EIF1B: variants seen among roughly 807,000 people sequenced by gnomAD.
The protein encoded by EIF1B is eukaryotic translation initiation factor 1B.
EIF1B carries 5 observed loss-of-function variants against 14.8 expected under a neutral mutation model. That is an observed-to-expected ratio of 0.34 (90% CI 0.18 to 0.71). EIF1B has a LOEUF of 0.71. EIF1B is among the 30% of genes least tolerant of loss of function. The pLI is 0.64. For missense variants in EIF1B, 56 were observed against 134.0 expected, an observed-to-expected ratio of 0.42 and a Z score of 2.87; for synonymous variants, 45 against 45.8, an observed-to-expected ratio of 0.98 and a Z score of 0.07.
chr3:40,310,797 A>G (rs1954316263), intron 1 of EIF1B, 96 bp from the exon 2 acceptor site: 6 of 1,323,328 alleles, frequency 4.5e-6, no homozygotes, highest in Non-Finnish European at 6.1e-6. Context: ...TTCATTGATG[A>G]CTGTCTGGAT....
chr3:40,310,072 C>T, intron 1 of EIF1B, 100 bp downstream of exon 1: 1 of 1,504,210 alleles, frequency 6.6e-7, no homozygotes, highest in Non-Finnish European at 9.2e-7. Flanking sequence ...TCTGCCCTTC[C>T]CGCACCCCTA....
At chr3:40,310,102 C>G in intron 1 of EIF1B, 130 bp downstream of exon 1, 1 of 1,307,836 alleles carries the variant, frequency 7.6e-7, no homozygotes, top group Non-Finnish European at 1.1e-6. Flanking sequence ...TGTCTCGGCG[C>G]CCAGAAAATG....
At position 40,312,091 on chromosome 3, in the gene EIF1B, T is replaced by G. The variant is rs11541151; in HGVS notation, c.*77T>G. The G allele has an allele frequency of 2.7e-3, 2,644 of 986,122 alleles. 9 individuals are homozygous for G. Among genetic ancestry groups the G allele is most frequent in the Non-Finnish European group, 3.7e-3 (2,267 of 619,900 alleles). 61.1% of individuals were successfully genotyped at this position (986,122 alleles called of 1,614,324 possible). ...CGGTTTGGCTGCCTTGTGAAATGATTCCCTGCAGTAAACGGACTTTTCATT... is the reference window on the plus strand; with the variant it reads ...CGGTTTGGCTGCCTTGTGAAATGATGCCCTGCAGTAAACGGACTTTTCATT... On this transcript the variant is annotated 3_prime_UTR_variant, in exon 4 of 4. Transcript: ENST00000232905.
chr3:40,309,848 T>C lies in EIF1B; in HGVS notation c.-94T>C, dbSNP rs1292064864. 12 of 1,452,130 alleles carry C rather than the reference T, an allele frequency of 8.3e-6. No homozygotes were observed. In the African/African-American group the frequency reaches 1.1e-4, roughly 14 times the overall value. The allele number at this position is 1,452,130 out of a possible 1,614,324, so 90.0% of individuals were successfully genotyped here. On this transcript the variant is annotated 5_prime_UTR_variant, in exon 1 of 4. Coordinates refer to ENST00000232905, the MANE Select transcript of EIF1B (RefSeq NM_005875.3). ...CCAGGGCGAAGCGTTTTCTTATTTA[T>C]TTCCGTTTTCTCGCCACTACAGCCT...
chr3:40,310,035 C>T, intron 1 of EIF1B, 63 bp downstream of exon 1: 2 of 1,602,756 alleles, frequency 1.2e-6, no homozygotes, highest in South Asian at 1.1e-5. Flanking sequence ...TTTTGCCCGC[C>T]TGGCCACCGC....
intron 3 of EIF1B, 197 bp downstream of exon 3, chr3:40,311,768 T>G (rs1470937): frequency 0.98 from 655,077 of 665,938 alleles, 322,597 homozygotes; most frequent in East Asian, 1. Flanking sequence ...GATCATTTCT[T>G]TATATACACA....
chr3:40,309,751 C>T lies in EIF1B; in HGVS notation c.-191C>T, dbSNP rs562799459. ...TCTTCTCTCGCGCCCTCGCCTCTTC[C>T]TCCGCCTCCTCCTTCGCCTCTTCCT... is the stretch of plus-strand genomic sequence containing the variant. On this transcript the variant is annotated 5_prime_UTR_variant, in exon 1 of 4. Coordinates refer to ENST00000232905, the MANE Select transcript of EIF1B (RefSeq NM_005875.3). The T allele has an allele frequency of 2.7e-4, 172 of 627,154 alleles. No homozygotes were observed. The highest frequency in any genetic ancestry group is 4.3e-4 in the Admixed American group (15 of 34,668). The allele number at this position is 627,154 out of a possible 1,614,324, so 38.8% of individuals were successfully genotyped here.
chr3:40,309,860 C>A lies in EIF1B; in HGVS notation c.-82C>A. On this transcript the variant is annotated 5_prime_UTR_variant, in exon 1 of 4. Coordinates refer to ENST00000232905, the MANE Select transcript of EIF1B (RefSeq NM_005875.3). Reference sequence around the variant, plus strand: ...GTTTTCTTATTTATTTCCGTTTTCTCGCCACTACAGCCTCCTGACAAGGTG... The same window carrying A: ...GTTTTCTTATTTATTTCCGTTTTCTAGCCACTACAGCCTCCTGACAAGGTG... 1 of 1,505,298 alleles carries A rather than the reference C, an allele frequency of 6.6e-7. No individual in the cohort carries two copies. Among genetic ancestry groups the A allele is most frequent in the Non-Finnish European group, 9.2e-7 (1 of 1,084,680 alleles). 93.2% of individuals were successfully genotyped at this position (1,505,298 alleles called of 1,614,324 possible).
rs1954303338 is a variant in EIF1B, at chr3:40,309,922, C to T, written c.-20C>T. ...CCCCGCAGGAATTTTATCCCCTCAC[C>T]GGCCTCACACTAGTATCGCATGTCC... On this transcript the variant is annotated 5_prime_UTR_variant, in exon 1 of 4. Transcript: ENST00000232905. 3 of 1,613,656 alleles carry T rather than the reference C, an allele frequency of 1.9e-6. No individual in the cohort carries two copies. Among genetic ancestry groups the T allele is most frequent in the Non-Finnish European group, 1.7e-6 (2 of 1,179,832 alleles).
chr3:40,310,956 A>C lies in EIF1B; in HGVS notation c.95A>C (p.His32Pro). The change falls in exon 2 of 4, where the codon CAT (histidine) becomes CCT (proline). Residue 32 changes from histidine (H) to proline (P), a missense_variant. By Grantham distance (77) the His-to-Pro change is moderately conservative. Coordinates refer to ENST00000232905, the MANE Select transcript of EIF1B (RefSeq NM_005875.3). The part of the protein sequence containing the change: ...LLPAGTEDYI[H>P]IRIQQRNGRK... ...CCGGCAGGGACTGAGGATTACATTC[A>C]TATAAGAATCCAGCAACGGAACGGC... The C allele has an allele frequency of 6.2e-7, 1 of 1,613,780 alleles. No homozygotes were observed.
chr3:40,310,113 G>A lies in EIF1B; in HGVS notation c.31+141G>A, dbSNP rs1954305696. On this transcript the variant is annotated intron_variant, in intron 1 of 3. Coordinates refer to ENST00000232905, the MANE Select transcript of EIF1B (RefSeq NM_005875.3). ...GCTTTGTCTCGGCGCCCAGAAAATG[G>A]CGACGGGGCCCCTGGCGACCCCTTC... 9 of 1,199,874 alleles carry A rather than the reference G, an allele frequency of 7.5e-6. No homozygotes were observed. The South Asian group carries it at 1.1e-4, about 14-fold the overall frequency. 74.3% of individuals were successfully genotyped at this position (1,199,874 alleles called of 1,614,324 possible).
Position 40,312,208 on chromosome 3 carries a change from A to G in EIF1B, c.*194A>G, listed in dbSNP as rs2125570168. On this transcript the variant is annotated 3_prime_UTR_variant, in exon 4 of 4. Coordinates refer to ENST00000232905, the MANE Select transcript of EIF1B (RefSeq NM_005875.3). ...TAACACATAAGAAAATTGCAGTAAG[A>G]TGGTAACAAAACCTCATATTGTCTT... 3.6e-6 allele frequency: 2 copies of G among 550,266 alleles called. No homozygotes were observed. The highest frequency in any genetic ancestry group is 3.0e-5 in the East Asian group (1 of 32,888). The allele number at this position is 550,266 out of a possible 1,614,324, so 34.1% of individuals were successfully genotyped here.
rs1954334153 is a variant in EIF1B, at chr3:40,312,259, TGA to T, written c.*247_*248del. 1 of 450,808 alleles carries T rather than the reference TGA, an allele frequency of 2.2e-6. No homozygotes were observed. Among genetic ancestry groups the T allele is most frequent in the South Asian group, 3.4e-5 (1 of 29,572 alleles). The allele number at this position is 450,808 out of a possible 1,614,324, so 27.9% of individuals were successfully genotyped here. A position where few individuals can be genotyped will look rare whatever the true frequency, so the allele number is the denominator to read the frequency against. On this transcript the variant is annotated 3_prime_UTR_variant, in exon 4 of 4. Coordinates refer to ENST00000232905, the MANE Select transcript of EIF1B (RefSeq NM_005875.3). ...TACATGTTTCCAATGGAAAATGTTT[TGA>T]GTGTTTATTGTTCAGTTTATTACGT...
At chr3:40,310,814 T>C in intron 1 of EIF1B, 79 bp from the exon 2 acceptor site, 3 of 1,410,832 alleles carry the variant, frequency 2.1e-6, no homozygotes, top group South Asian at 1.5e-5. Flanking sequence ...GGATTGGTAG[T>C]ATAATGTATT....
At chr3:40,311,700 G>C (rs1048910094) in intron 3 of EIF1B, 129 bp downstream of exon 3, 33 of 794,012 alleles carry the variant, frequency 4.2e-5, no homozygotes, top group Admixed American at 2.7e-4. Flanking sequence ...ATAAAGACAT[G>C]GTAGTTATTT....
At chr3:40,311,643 G>A in intron 3 of EIF1B, 72 bp downstream of exon 3, 1 of 1,213,612 alleles carries the variant, frequency 8.2e-7, no homozygotes, top group Non-Finnish European at 1.2e-6. Flanking sequence ...AACATGATTT[G>A]TTTTCTACTA....
intron 3 of EIF1B, 64 bp from the exon 4 acceptor site, chr3:40,311,906 T>C: frequency 8.0e-7 from 1 of 1,255,226 alleles, no homozygotes; most frequent in Non-Finnish European, 1.2e-6. Context: ...TACTCTTCCA[T>C]GTTTTCTTAA....
rs1193366133 is a variant in EIF1B at position 40,309,707 on chromosome 3, G to A, written c.-235G>A. Reference sequence around the variant, plus strand: ...ATAGTCTCCATCGGCCATTTTGTGCGAGAAGCCGCAGCGCCGCCTCTTCTC... The same window carrying A: ...ATAGTCTCCATCGGCCATTTTGTGCAAGAAGCCGCAGCGCCGCCTCTTCTC... On this transcript the variant is annotated 5_prime_UTR_variant, in exon 1 of 4. Transcript: ENST00000232905. 4 of 552,528 alleles carry A rather than the reference G, an allele frequency of 7.2e-6. No individual in the cohort carries two copies. Among genetic ancestry groups the A allele is most frequent in the East Asian group, 3.0e-5 (1 of 33,130 alleles). 34.2% of individuals were successfully genotyped at this position (552,528 alleles called of 1,614,324 possible).
Position 40,311,577 on chromosome 3 carries a change from T to C in EIF1B, c.297+6T>C. 1 of 1,605,906 alleles carries C rather than the reference T, an allele frequency of 6.2e-7. No homozygotes were observed. The highest frequency in any genetic ancestry group is 8.5e-7 in the Non-Finnish European group (1 of 1,173,384). On this transcript the variant is annotated splice_donor_region_variant and intron_variant, in intron 3 of 3. Coordinates refer to ENST00000232905, the MANE Select transcript of EIF1B (RefSeq NM_005875.3). ...TCTGCCAGTTTCTCTTGGAGGTGAG[T>C]GATTGGGTGCTTTATGTGTAACCTT... is the stretch of plus-strand genomic sequence containing the variant.
Sources: allele counts gnomAD v4.1 joint callset, GRCh38; gene constraint gnomAD v4.1.1; transcripts MANE v1.5; gene names NCBI Gene and HGNC (gene_info 2026-07-23, HGNC 2026-07-21).